Variants in UNC5CL observed in about 807,000 individuals in gnomAD.
UNC5CL encodes UNC5C-like protein.
A neutral mutation model predicts 54.1 loss-of-function variants in UNC5CL; 42 were observed. The observed-to-expected ratio is 0.78, with a 90% CI of 0.61 to 1.00. The LOEUF (loss-of-function observed/expected upper bound fraction) is 1.00. Among genes scored for constraint, UNC5CL ranks in the 50% least tolerant of loss-of-function variants. The probability of loss-of-function intolerance (pLI) is 0.00; values close to 1 mark genes in which losing one functional copy is unlikely to be tolerated. For synonymous variants in UNC5CL, 285 were observed against 285.1 expected, an observed-to-expected ratio of 1.00 and a Z score of 0.00; for missense variants, 619 against 675.6, an observed-to-expected ratio of 0.92 and a Z score of 0.93.
intron 7 of UNC5CL, 69 bp downstream of exon 7, chr6:41,030,586 T>A: frequency 6.2e-7 from 1 of 1,607,466 alleles, no homozygotes; most frequent in Non-Finnish European, 8.5e-7. Flanking sequence ...AATGCTGTAG[T>A]CACCCTGTGG....
Position 41,033,051 on chromosome 6 carries a change from G to C in UNC5CL, c.782C>G (p.Ser261Cys). The C allele has an allele frequency of 6.2e-7, 1 of 1,612,430 alleles. No individual in the cohort carries two copies. The highest frequency in any genetic ancestry group is 8.5e-7 in the Non-Finnish European group (1 of 1,179,274). The change falls in exon 4 of 9, where the codon TCC (serine) becomes TGC (cysteine). Residue 261 changes from serine to cysteine, a missense_variant. Coordinates refer to ENST00000244565, the MANE Select transcript of UNC5CL (RefSeq NM_173561.3). ...GAAGTAGATACGCAGTTGCAGATGG[G>C]ACTGTCCTGGCACCAGCGGTGAGCA... ...VFCSPLVPGQSHLQLRIYFLN... is the reference protein window; with the variant it reads ...VFCSPLVPGQCHLQLRIYFLN...
rs1239092918 is a variant in UNC5CL, at chr6:41,029,198, CCT to C, written c.1335-605_1335-604del. Among the ~76,000 whole-genome samples the C allele has an allele frequency of 6.6e-6, 1 of 152,112 alleles. No individual in the cohort carries two copies. Among genetic ancestry groups the C allele is most frequent in the African/African-American group, 2.4e-5 (1 of 41,430 alleles). On this transcript the variant is annotated intron_variant, in intron 8 of 8. Coordinates refer to ENST00000244565, the MANE Select transcript of UNC5CL (RefSeq NM_173561.3). The surrounding 1 kb of genome is among the most constrained non-coding windows in gnomAD (Gnocchi z 4.1). Reference sequence around the variant, plus strand: ...CCATCCTGAACCCCCTTAGCTCAGGCCTCTCTCTTTCTCGCCTTGCACACACT... The same window carrying C: ...CCATCCTGAACCCCCTTAGCTCAGGCCTCTCTTTCTCGCCTTGCACACACT...
intron 5 of UNC5CL, 90 bp downstream of exon 5, chr6:41,031,946 C>T: frequency 7.2e-7 from 1 of 1,386,548 alleles, no homozygotes; most frequent in South Asian, 1.2e-5. Flanking sequence ...GCATGGGGGT[C>T]TGCAGAGCTC....
In UNC5CL at chr6:41,031,711, C is replaced by T. The variant is rs569314235; in HGVS notation, c.1089G>A (p.Glu363=). 3.2e-5 allele frequency: 51 copies of T among 1,614,178 alleles called. 1 individual carries two copies. In the South Asian group the frequency reaches 5.3e-4, roughly 17 times the overall value. The change falls in exon 6 of 9, where the codon GAG becomes GAA. Residue 363 remains glutamate, a synonymous_variant. Transcript: ENST00000244565. ...ENEDCSALTN[E]IIVTMHTFQD... ...GGAAGGTGTGCATGGTGACAATGAT[C>T]TCATTGGTTAGTGCTGAACAGTCCT...
In UNC5CL at chr6:41,026,995, T is replaced by C. The variant is rs1762395704; in HGVS notation, c.*1378A>G. ...ATTGTTTGCCTGCCTTTGAACAAAT[T>C]AACAACACCTGTTTGCAAACAAAAG... On this transcript the variant is annotated 3_prime_UTR_variant, in exon 9 of 9. Transcript: ENST00000244565. 1 of 152,166 alleles carries C rather than the reference T, an allele frequency of 6.6e-6. No individual in the cohort carries two copies. Among genetic ancestry groups the C allele is most frequent in the South Asian group, 2.1e-4 (1 of 4,828 alleles). 9.4% of individuals were successfully genotyped at this position (152,166 alleles called of 1,614,324 possible).
rs1338780746 is a variant in UNC5CL at position 41,035,008 on chromosome 6, T to C, written c.67A>G (p.Ser23Gly). 1.9e-6 allele frequency: 3 copies of C among 1,602,470 alleles called. No individual in the cohort carries two copies. The African/African-American group carries it at 4.0e-5, about 21-fold the overall frequency. ...FLLLVGVPVASVLLLAQCLRW... is the reference protein window; with the variant it reads ...FLLLVGVPVAGVLLLAQCLRW... ...AGGCATTGGGCCAGAAGGAGGACAC[T>C]TGCCACTGGGACCCCCACCAGCAGT... Residue 23 changes from serine (S) to glycine (G), a missense_variant, in exon 2 of 9, where the codon AGT (serine) becomes GGT (glycine). Ser to Gly is a moderately conservative substitution (Grantham distance 56, BLOSUM62 0). Transcript: ENST00000244565.
At chr6:41,032,342 C>G (rs1178998626) in intron 4 of UNC5CL, among the ~76,000 whole-genome samples, 1 of 152,216 alleles carries the variant, frequency 6.6e-6, no homozygotes, top group Non-Finnish European at 1.5e-5. Context: ...GGTATAACCC[C>G]TCTCCTTCCC....
chr6:41,035,188 G>A, intron 1 of UNC5CL, 53 bp from the exon 2 acceptor site: 1 of 1,378,024 alleles, frequency 7.3e-7, no homozygotes, highest in Non-Finnish European at 9.6e-7. Context: ...AGTTGTGGAG[G>A]TCAAGGCTTG....
chr6:41,027,978 C>A lies in UNC5CL; in HGVS notation c.*395G>T. On this transcript the variant is annotated 3_prime_UTR_variant, in exon 9 of 9. Coordinates refer to ENST00000244565, the MANE Select transcript of UNC5CL (RefSeq NM_173561.3). ...CTGTGTGCTTGTCAGGGCTCCAGAC[C>A]CTACCTCCTATATTCCAGTATTCTT... 5.3e-6 allele frequency: 1 copy of A among 188,582 alleles called. No homozygotes were observed. Among genetic ancestry groups the A allele is most frequent in the Non-Finnish European group, 1.1e-5 (1 of 91,906 alleles). 11.7% of individuals were successfully genotyped at this position (188,582 alleles called of 1,614,324 possible). A position where few individuals can be genotyped will look rare whatever the true frequency, so the allele number is the denominator to read the frequency against.
rs369533654 is a variant in UNC5CL at position 41,032,959 on chromosome 6, G to A, written c.874C>T (p.Arg292Cys). Residue 292 changes from arginine (R) to cysteine (C), a missense_variant, in exon 4 of 9, where the codon CGT becomes TGT. Transcript: ENST00000244565. Reference protein sequence around the residue: ...TNEQPHGGRLRGPCQLFDFNG... With the variant: ...TNEQPHGGRLCGPCQLFDFNG... ...AAGTCGAAGAGCTGGCAGGGCCCAC[G>A]CAGGCGCCCACCATGGGGCTGCTCG... The A allele has an allele frequency of 6.9e-6, 11 of 1,602,648 alleles. No homozygotes were observed. Among genetic ancestry groups the A allele is most frequent in the East Asian group, 2.2e-5 (1 of 44,514 alleles).
chr6:41,035,067 G>C lies in UNC5CL; in HGVS notation c.8C>G (p.Pro3Arg), dbSNP rs200088756. The part of the protein sequence containing the change: MC[P>R]QESSFQPSQF... ...GGAGGGTTGGAATGAACTCTCCTGGGGGCACATTCGCCTGGTTACTCAATG... is the reference window on the plus strand; with the variant it reads ...GGAGGGTTGGAATGAACTCTCCTGGCGGCACATTCGCCTGGTTACTCAATG... The change falls in exon 2 of 9, where the codon CCC (proline) becomes CGC (arginine). Residue 3 changes from proline to arginine, a missense_variant. By Grantham distance (103) the Pro-to-Arg change is moderately radical. Transcript: ENST00000244565. The C allele has an allele frequency of 3.2e-6, 5 of 1,562,610 alleles. No individual in the cohort carries two copies.
intron 3 of UNC5CL, chr6:41,033,641 A>G (rs979575043): frequency 5.2e-6 from 3 of 579,926 alleles, no homozygotes; most frequent in Non-Finnish European, 9.1e-6. Context: ...GTGCTGAGTC[A>G]GACACTTCCA....
At chr6:41,036,829 T>C (rs1386848053) in intron 1 of UNC5CL, among the ~76,000 whole-genome samples, 5 of 150,208 alleles carry the variant, frequency 3.3e-5, no homozygotes, top group African/African-American at 1.2e-4. Flanking sequence ...GGCAAAAGCA[T>C]ACACTCACCT....
In UNC5CL at chr6:41,039,204, C is replaced by G. The variant is rs1029020988; in HGVS notation, c.-104G>C. On this transcript the variant is annotated 5_prime_UTR_variant, in exon 1 of 9. Transcript: ENST00000244565. ...AGGCTGCTGGCTGGTCCAGTTCCTT[C>G]TCCGAGAAACAAGGGTCAGCCAGAT... 1 of 152,278 alleles carries G rather than the reference C, an allele frequency of 6.6e-6. No homozygotes were observed. Among genetic ancestry groups the G allele is most frequent in the Non-Finnish European group, 1.5e-5 (1 of 68,078 alleles). The allele number at this position is 152,278 out of a possible 1,614,324, so 9.4% of individuals were successfully genotyped here. A position where few individuals can be genotyped will look rare whatever the true frequency, so the allele number is the denominator to read the frequency against.
In UNC5CL at chr6:41,034,157, T is replaced by C; in HGVS notation, c.410A>G (p.Glu137Gly). Residue 137 changes from glutamate to glycine, a missense_variant, in exon 3 of 9, where the codon GAG becomes GGG. Transcript: ENST00000244565. ...PPGAVAVGRQERVSLILVWDL... is the reference protein window; with the variant it reads ...PPGAVAVGRQGRVSLILVWDL... ...CCACACCAGGATCAAAGACACCCGCTCCTGGCGGCCCACAGCCACAGCACC... is the reference window on the plus strand; with the variant it reads ...CCACACCAGGATCAAAGACACCCGCCCCTGGCGGCCCACAGCCACAGCACC... 6.2e-7 allele frequency: 1 copy of C among 1,609,692 alleles called. No homozygotes were observed. The highest frequency in any genetic ancestry group is 8.5e-7 in the Non-Finnish European group (1 of 1,177,206).
At chr6:41,035,778 G>C (rs1484449037) in intron 1 of UNC5CL, among the ~76,000 whole-genome samples, 1 of 152,210 alleles carries the variant, frequency 6.6e-6, no homozygotes, top group Non-Finnish European at 1.5e-5. Context: ...AACTGTCATG[G>C]CACTGGTGGG....
In UNC5CL at chr6:41,033,872, T is replaced by C. The variant is rs1331088531; in HGVS notation, c.686+9A>G. The C allele has an allele frequency of 1.2e-6, 2 of 1,610,882 alleles. No homozygotes were observed. The highest frequency in any genetic ancestry group is 1.7e-5 in the Admixed American group (1 of 59,696). On this transcript the variant is annotated intron_variant, in intron 3 of 8. Coordinates refer to ENST00000244565, the MANE Select transcript of UNC5CL (RefSeq NM_173561.3). ...GGTGTGGGAAGACAGGCCAATGGCA[T>C]GTGCCTACCTGAAGTGGGAGAGGTG...
rs2294692 is a variant in UNC5CL at position 41,037,456 on chromosome 6, G to A, written c.-62+1706C>T. Among the ~76,000 whole-genome samples the A allele has an allele frequency of 9.9e-5, 15 of 152,230 alleles. No homozygotes were observed. The East Asian group carries it at 1.9e-3, about 20-fold the overall frequency. On this transcript the variant is annotated intron_variant, in intron 1 of 8. Coordinates refer to ENST00000244565, the MANE Select transcript of UNC5CL (RefSeq NM_173561.3). Reference sequence around the variant, plus strand: ...GCTTCCAGTATCCAGTCCTCCCCACGCCCTTCACTTGCACTACCCACCTGG... The same window carrying A: ...GCTTCCAGTATCCAGTCCTCCCCACACCCTTCACTTGCACTACCCACCTGG...
At position 41,030,729 on chromosome 6, in the gene UNC5CL, G is replaced by A. The variant is rs1243992078; in HGVS notation, c.1146C>T (p.Ile382=). Residue 382 remains isoleucine (I), a synonymous_variant, in exon 7 of 9, where the codon ATC becomes ATT. Transcript: ENST00000244565. ...CCTCCTCTGATGCCTGGAATCTGAG[G>A]ATTTCCATATACTTGGTCTCCAAGC... The part of the protein sequence containing the change: ...QDGLETKYME[I]LRFQASEEES... 4.3e-6 allele frequency: 7 copies of A among 1,614,050 alleles called. No individual in the cohort carries two copies. The highest frequency in any genetic ancestry group is 1.1e-5 in the South Asian group (1 of 91,076).
Sources: gnomAD v4.1 joint callset for allele counts (sites outside exome capture counted in the v4.1 genomes callset) on GRCh38, gnomAD v4.1.1 for gene constraint, Gnocchi (gnomAD v3.1) non-coding constraint, MANE v1.5 for transcripts, NCBI Gene and HGNC (gene_info 2026-07-23, HGNC 2026-07-21) for gene names.